PRKG1: variants seen among roughly 807,000 people sequenced by gnomAD.
The protein encoded by PRKG1 is protein kinase cGMP-dependent 1, also known as cGMP-dependent protein kinase 1.
Under a neutral mutation model 88.1 loss-of-function variants are expected in PRKG1, and 35 were observed. That is an observed-to-expected ratio of 0.40 (90% CI 0.30 to 0.53). The LOEUF (loss-of-function observed/expected upper bound fraction) is 0.53. Ranked by LOEUF, PRKG1 falls within the 20% of genes least tolerant of loss-of-function variation. The pLI is 0.59. For missense variants in PRKG1, 540 were observed against 839.8 expected (o/e 0.64, Z 4.41); for synonymous variants, 303 against 292.5 (o/e 1.04, Z -0.37).
rs1348739948 is a variant in PRKG1, at chr10:51,944,325, C to T, written c.762+36755C>T. Among the ~76,000 whole-genome samples the T allele has an allele frequency of 4.6e-5, 7 of 151,818 alleles. No individual in the cohort carries two copies. The East Asian group carries it at 1.2e-3, about 25-fold the overall frequency. On this transcript the variant is annotated intron_variant, in intron 5 of 17. Transcript: ENST00000373980. ...ATCCCCTTTATCATTTTTTATTGCG[C>T]CTATTTGATTCTTTTCTCTTTTCTT...
chr10:52,025,315 A>G (rs1040314560), intron 5 of PRKG1, among the ~76,000 whole-genome samples: 3 of 152,078 alleles, frequency 2.0e-5, no homozygotes, highest in Non-Finnish European at 4.4e-5. Flanking sequence ...TGCTGTGCAG[A>G]AGCTCTTTAG....
chr10:51,195,987 A>T (rs1222502772), intron 2 of PRKG1, among the ~76,000 whole-genome samples: 1 of 152,174 alleles, frequency 6.6e-6, no homozygotes, highest in Non-Finnish European at 1.5e-5. Flanking sequence ...CAGGATTCCA[A>T]CTGAAAACAT....
intron 5 of PRKG1, among the ~76,000 whole-genome samples, chr10:51,984,182 A>G (rs1844091229): frequency 6.6e-6 from 1 of 152,192 alleles, no homozygotes; most frequent in Non-Finnish European, 1.5e-5. Context: ...ACAAAGGGTG[A>G]TATGAGAAAT....
In PRKG1 at chr10:51,501,790, C is replaced by CTTTTTTTTTTT. The variant is rs5784871; in HGVS notation, c.592+33963_592+33973dup. Among the ~76,000 whole-genome samples the CTTTTTTTTTTT allele has an allele frequency of 1.0e-3, 117 of 113,724 alleles. 1 individual carries two copies. Among genetic ancestry groups the CTTTTTTTTTTT allele is most frequent in the Middle Eastern group, 5.3e-3 (1 of 190 alleles). The allele number at this position is 113,724 out of a possible 152,430, so 74.6% of individuals were successfully genotyped here. On this transcript the variant is annotated intron_variant, in intron 3 of 17. Coordinates refer to ENST00000373980, the MANE Select transcript of PRKG1 (RefSeq NM_006258.4). ...AAGCAAATTCACCCAACTTTAGTTTCTTTTTTTTTTTTTTTTTTTGTCAGT... is the reference window on the plus strand; with the variant it reads ...AAGCAAATTCACCCAACTTTAGTTTCTTTTTTTTTTTTTTTTTTTTTTTTTTTTTTGTCAGT...
At chr10:51,437,498 T>A (rs866484787) in intron 2 of PRKG1, among the ~76,000 whole-genome samples, 31 of 151,748 alleles carry the variant, frequency 2.0e-4, no homozygotes, top group African/African-American at 7.5e-4. Flanking sequence ...TTCCACATAT[T>A]TTACGTACAT....
intron 5 of PRKG1, among the ~76,000 whole-genome samples, chr10:51,916,217 T>G (rs747008380): frequency 3.9e-5 from 6 of 152,116 alleles, no homozygotes; most frequent in African/African-American, 7.2e-5. Context: ...CAGCACAAGA[T>G]GCAGATCATA....
intron 2 of PRKG1, among the ~76,000 whole-genome samples, chr10:51,242,042 T>C (rs1054329234): frequency 6.6e-6 from 1 of 150,786 alleles, no homozygotes; most frequent in Non-Finnish European, 1.5e-5. Flanking sequence ...CTGAATAAGG[T>C]GGGAAGCTCC....
chr10:51,876,380 A>C (rs1368151837), intron 4 of PRKG1, among the ~76,000 whole-genome samples: 1 of 152,214 alleles, frequency 6.6e-6, no homozygotes, highest in Admixed American at 6.5e-5. Context: ...GTAGCTGCTT[A>C]ATCTACCTGT....
At chr10:51,483,282 A>G (rs1379659318) in intron 3 of PRKG1, among the ~76,000 whole-genome samples, 1 of 152,060 alleles carries the variant, frequency 6.6e-6, no homozygotes, top group Non-Finnish European at 1.5e-5. Flanking sequence ...CGGCCTCCCA[A>G]AGTGCTGGGA....
chr10:51,169,969 C>G (rs1846657144), intron 2 of PRKG1, among the ~76,000 whole-genome samples: 1 of 151,786 alleles, frequency 6.6e-6, no homozygotes, highest in Admixed American at 6.6e-5. Context: ...GTAAATTTTC[C>G]TCTGCTTGGC....
rs537453824 is a variant in PRKG1 at position 51,598,909 on chromosome 10, T to C, written c.592+131073T>C. Reference sequence around the variant, plus strand: ...TGGCTGTCATGTTTCCCGTTTTGCATGTGTAGGGGAGCATGTGGGCACCTG... The same window carrying C: ...TGGCTGTCATGTTTCCCGTTTTGCACGTGTAGGGGAGCATGTGGGCACCTG... On this transcript the variant is annotated intron_variant, in intron 3 of 17. Transcript: ENST00000373980. 2.0e-4 allele frequency among the ~76,000 whole-genome samples: 31 copies of C among 152,208 alleles called. No individual in the cohort carries two copies. In the South Asian group the frequency reaches 6.4e-3, roughly 32 times the overall value.
intron 2 of PRKG1, among the ~76,000 whole-genome samples, chr10:51,298,009 C>T (rs766391476): frequency 6.6e-6 from 1 of 152,098 alleles, no homozygotes; most frequent in Non-Finnish European, 1.5e-5. Context: ...AATTCATTCA[C>T]TCATTCATTT....
intron 5 of PRKG1, among the ~76,000 whole-genome samples, chr10:51,992,553 A>G (rs1226837115): frequency 6.6e-6 from 1 of 151,824 alleles, no homozygotes; most frequent in Non-Finnish European, 1.5e-5. Context: ...TAACTTTTAG[A>G]TTACCCCCAA....
intron 5 of PRKG1, among the ~76,000 whole-genome samples, chr10:52,012,410 T>G (rs780550474): frequency 8.6e-5 from 13 of 152,004 alleles, no homozygotes; most frequent in Admixed American, 1.3e-4. Context: ...CCTGGCTAAT[T>G]TTTTTGTATT....
intron 2 of PRKG1, among the ~76,000 whole-genome samples, chr10:51,208,372 G>A (rs1838118546): frequency 6.6e-6 from 1 of 152,172 alleles, no homozygotes; most frequent in African/African-American, 2.4e-5. Context: ...ATACTACTAA[G>A]GAAGTTCAGG....
chr10:51,202,774 A>G (rs1250573685), intron 2 of PRKG1, among the ~76,000 whole-genome samples: 1 of 152,214 alleles, frequency 6.6e-6, no homozygotes, highest in South Asian at 2.1e-4. Flanking sequence ...TGTCTGGGAA[A>G]GAAGTGGAAG....
chr10:52,192,895 T>C (rs192731818), intron 9 of PRKG1, among the ~76,000 whole-genome samples: 51 of 152,260 alleles, frequency 3.3e-4, no homozygotes, highest in Admixed American at 6.5e-4. Context: ...GCAATTTCCA[T>C]GTAAGACAGT....
chr10:51,363,942 T>TG (rs1842538584), intron 2 of PRKG1, among the ~76,000 whole-genome samples: 2 of 151,976 alleles, frequency 1.3e-5, no homozygotes, highest in Non-Finnish European at 2.9e-5. Flanking sequence ...CTTTGTTCTG[T>TG]ACAAATGGAA....
At chr10:51,409,339 A>G (rs544197406) in intron 2 of PRKG1, among the ~76,000 whole-genome samples, 2 of 152,206 alleles carry the variant, frequency 1.3e-5, no homozygotes, top group African/African-American at 4.8e-5. Flanking sequence ...CATTTGAGCA[A>G]CTTCTTCATG....
Sources: gnomAD v4.1 joint callset for allele counts (sites outside exome capture counted in the v4.1 genomes callset) on GRCh38, gnomAD v4.1.1 for gene constraint, MANE v1.5 for transcripts, NCBI Gene and HGNC (gene_info 2026-07-23, HGNC 2026-07-21) for gene names.